PALM2AKAP2: variants seen among roughly 807,000 people sequenced by gnomAD.
PALM2AKAP2 encodes PALM2-AKAP2 fusion protein.
Under a neutral mutation model 71.5 loss-of-function variants are expected in PALM2AKAP2, and 37 were observed. The ratio of observed to expected loss-of-function variants is 0.52; its 90% CI spans 0.40 to 0.68. PALM2AKAP2 has a LOEUF of 0.68. Ranked by LOEUF, PALM2AKAP2 falls within the 30% of genes least tolerant of loss-of-function variation. PALM2AKAP2 has a pLI of 0.00. For missense variants in PALM2AKAP2, 1,224 were observed against 1,191.8 expected (o/e 1.03, Z -0.40); for synonymous variants, 468 against 478.8 (o/e 0.98, Z 0.29).
chr9:110,006,782 G>A (rs1401709558), intron 6 of PALM2AKAP2, among the ~76,000 whole-genome samples: 1 of 152,144 alleles, frequency 6.6e-6, no homozygotes, highest in African/African-American at 2.4e-5. Context: ...GTGACAGACT[G>A]ACTCTACTAA....
At chr9:110,171,148 T>G (rs891634994) in exon 4 of PALM2AKAP2, 2 of 152,190 alleles carry the variant, frequency 1.3e-5, no homozygotes, top group Admixed American at 1.3e-4. Flanking sequence ...AAACCTACAG[T>G]TGACAAGAGA....
At chr9:109,914,892 C>T (rs1451844838) in intron 3 of PALM2AKAP2, among the ~76,000 whole-genome samples, 2 of 152,208 alleles carry the variant, frequency 1.3e-5, no homozygotes, top group Non-Finnish European at 2.9e-5. Context: ...GTGAGCACTT[C>T]TTTACTGCTT....
chr9:110,140,230 TA>T (rs1391315588), intron 2 of PALM2AKAP2, among the ~76,000 whole-genome samples: 1 of 152,248 alleles, frequency 6.6e-6, no homozygotes, highest in Non-Finnish European at 1.5e-5. Flanking sequence ...TTATTATTTT[TA>T]TCCGCAACTT....
intron 3 of PALM2AKAP2, among the ~76,000 whole-genome samples, chr9:109,903,166 G>A (rs1020964661): frequency 1.3e-5 from 2 of 152,078 alleles, no homozygotes; most frequent in African/African-American, 2.4e-5. Context: ...TGAGCCAGCC[G>A]CAGGGAGGAA....
At chr9:109,942,534 A>G in intron 6 of PALM2AKAP2, 1 of 757,646 alleles carries the variant, frequency 1.3e-6, no homozygotes. Context: ...AACCATCTTT[A>G]TTCACAGTGC....
intron 1 of PALM2AKAP2, among the ~76,000 whole-genome samples, chr9:109,726,115 A>G (rs896671041): frequency 6.6e-6 from 1 of 151,762 alleles, no homozygotes; most frequent in Non-Finnish European, 1.5e-5. Flanking sequence ...TCTTAGGGGA[A>G]CTCCTTGGCT....
chr9:109,923,971 T>C, intron 4 of PALM2AKAP2, 122 bp downstream of exon 4: 2 of 1,026,216 alleles, frequency 1.9e-6, no homozygotes, highest in Non-Finnish European at 1.4e-6. Flanking sequence ...ACGAACTCTA[T>C]GAAATGAGGG....
chr9:110,044,853 T>C (rs10980159), upstream of PALM2AKAP2, among the ~76,000 whole-genome samples: 14,740 of 152,100 alleles, frequency 0.097, 729 homozygotes, highest in Middle Eastern at 0.2. Context: ...TCTGAGACAC[T>C]TCTAAGTCTA....
chr9:109,698,196 T>A (rs188737945), intron 1 of PALM2AKAP2, among the ~76,000 whole-genome samples: 2 of 152,040 alleles, frequency 1.3e-5, no homozygotes, highest in Non-Finnish European at 2.9e-5. Context: ...TTCATACATC[T>A]CTCACTGTCC....
At chr9:109,789,759 G>A (rs1350231172) in intron 1 of PALM2AKAP2, among the ~76,000 whole-genome samples, 7 of 152,202 alleles carry the variant, frequency 4.6e-5, no homozygotes. Context: ...ATTTCTGACA[G>A]GAAATGCCGG....
At chr9:109,748,913 A>G (rs924609760) in intron 1 of PALM2AKAP2, among the ~76,000 whole-genome samples, 3 of 152,128 alleles carry the variant, frequency 2.0e-5, no homozygotes, top group Admixed American at 2.0e-4. Flanking sequence ...TTAATTTCCT[A>G]TTCTTATAAA....
intron 2 of PALM2AKAP2, among the ~76,000 whole-genome samples, chr9:110,149,518 C>A (rs1393543480): frequency 3.3e-5 from 5 of 152,206 alleles, no homozygotes; most frequent in Non-Finnish European, 7.3e-5. Context: ...AAAAGTGATT[C>A]ATAATCCTAC....
chr9:109,643,496 A>C (rs1827103579), intron 1 of PALM2AKAP2, among the ~76,000 whole-genome samples: 1 of 152,226 alleles, frequency 6.6e-6, no homozygotes. Flanking sequence ...AAGTTTACAA[A>C]GGTCCTCAGC....
At chr9:109,887,570 C>T (rs1829994308) in intron 3 of PALM2AKAP2, among the ~76,000 whole-genome samples, 1 of 152,000 alleles carries the variant, frequency 6.6e-6, no homozygotes, top group Non-Finnish European at 1.5e-5. Context: ...AGCTTTTCTG[C>T]CTCCATTTAA....
rs146560521 is a variant in PALM2AKAP2, at chr9:110,092,430, A to T, written c.156+43575A>T. 2.4e-3 allele frequency among the ~76,000 whole-genome samples: 361 copies of T among 152,358 alleles called. 3 individuals carry two copies. In the East Asian group the frequency reaches 0.036, roughly 15 times the overall value. ...ATATTGTTTCCTTGTATTTTAATTAATGAATGTAGAACTGTGTAATGTATT... is the reference window on the plus strand; with the variant it reads ...ATATTGTTTCCTTGTATTTTAATTATTGAATGTAGAACTGTGTAATGTATT... On this transcript the variant is annotated intron_variant, in intron 1 of 3. Transcript: ENST00000374525.
intron 1 of PALM2AKAP2, among the ~76,000 whole-genome samples, chr9:109,672,579 ATCTCTGTCAAAT>A (rs1827590222): frequency 6.6e-6 from 1 of 151,746 alleles, no homozygotes; most frequent in Admixed American, 6.6e-5. Context: ...TTGTTGTTGT[ATCTCTGTCAAAT>A]TTTGGTATCA....
At chr9:109,915,501 G>A (rs564451478) in intron 3 of PALM2AKAP2, among the ~76,000 whole-genome samples, 1 of 152,308 alleles carries the variant, frequency 6.6e-6, no homozygotes, top group South Asian at 2.1e-4. Context: ...AAGGGTACTG[G>A]TTCCCCAGCC....
intron 1 of PALM2AKAP2, chr9:109,640,923 G>A: frequency 6.8e-7 from 1 of 1,478,456 alleles, no homozygotes; most frequent in African/African-American, 1.4e-5. Context: ...TTGCCATGGT[G>A]ACCGCGGCGG....
chr9:110,168,503 C>T, exon 4 of PALM2AKAP2: 2 of 1,613,982 alleles, frequency 1.2e-6, no homozygotes, highest in Non-Finnish European at 8.5e-7. Context: ...AATAAACTTC[C>T]TTCAACCCAG....
Sources: allele counts gnomAD v4.1 joint callset (sites outside exome capture counted in the v4.1 genomes callset), GRCh38; gene constraint gnomAD v4.1.1; transcripts MANE v1.5; gene names NCBI Gene and HGNC (gene_info 2026-07-23, HGNC 2026-07-21).